Variants in KCNMA1 observed in about 807,000 individuals in gnomAD.
KCNMA1 encodes the protein potassium calcium-activated channel subfamily M alpha 1, also known as Calcium-activated potassium channel subunit alpha-1.
Under a neutral mutation model 140.0 loss-of-function variants are expected in KCNMA1, and 29 were observed. That is an observed-to-expected ratio of 0.21 (90% confidence interval 0.15 to 0.28). KCNMA1 has a LOEUF of 0.28. Ranked by LOEUF, KCNMA1 falls within the 10% of genes least tolerant of loss-of-function variation. The pLI is 1.00. For synonymous variants in KCNMA1, 612 were observed against 611.9 expected, an observed-to-expected ratio of 1.00 and a Z score of 0.00; for missense variants, 880 against 1,602.2, an observed-to-expected ratio of 0.55 and a Z score of 7.70.
intron 1 of KCNMA1, among the ~76,000 whole-genome samples, chr10:77,453,352 A>T (rs1009997427): frequency 2.1e-5 from 2 of 94,792 alleles, no homozygotes; most frequent in Admixed American, 9.7e-5. Flanking sequence ...CTAGAGGTAA[A>T]AAATAAATAA....
At chr10:76,964,940 G>A (rs1721817095) in intron 20 of KCNMA1, among the ~76,000 whole-genome samples, 1 of 152,076 alleles carries the variant, frequency 6.6e-6, no homozygotes, top group South Asian at 2.1e-4. Context: ...TTTTTTCTGG[G>A]TGTTGTCAAT....
At chr10:76,958,778 A>G (rs901704144) in intron 20 of KCNMA1, among the ~76,000 whole-genome samples, 1 of 152,158 alleles carries the variant, frequency 6.6e-6, no homozygotes, top group African/African-American at 2.4e-5. Context: ...ACCCTCCCAG[A>G]CTTTCATCTC....
chr10:77,462,291 G>GCA (rs954728065), intron 1 of KCNMA1, among the ~76,000 whole-genome samples: 1 of 151,440 alleles, frequency 6.6e-6, no homozygotes, highest in African/African-American at 2.4e-5. Context: ...ACACACATGA[G>GCA]CACACACACA....
At chr10:76,960,981 C>T (rs1156611019) in intron 20 of KCNMA1, among the ~76,000 whole-genome samples, 1 of 151,864 alleles carries the variant, frequency 6.6e-6, no homozygotes, top group East Asian at 1.9e-4. Flanking sequence ...AATGTTGTTT[C>T]CATACCTGCT....
In KCNMA1 at chr10:77,197,969, C is replaced by T. The variant is rs534971438; in HGVS notation, c.603-13053G>A. Among the ~76,000 whole-genome samples, 25 of 152,100 alleles carry T rather than the reference C, an allele frequency of 1.6e-4. No homozygotes were observed. In the East Asian group the frequency reaches 2.3e-3, roughly 14 times the overall value. On this transcript the variant is annotated intron_variant, in intron 3 of 27. Transcript: ENST00000286628. Reference sequence around the variant, plus strand: ...AGGCAGCTTTGGGGACGAGGAGGGGCGAGACAGAGGGAAGGTGAGGACAGA... The same window carrying T: ...AGGCAGCTTTGGGGACGAGGAGGGGTGAGACAGAGGGAAGGTGAGGACAGA...
At chr10:77,094,758 T>G (rs942061316) in intron 9 of KCNMA1, among the ~76,000 whole-genome samples, 10 of 152,090 alleles carry the variant, frequency 6.6e-5, no homozygotes, top group African/African-American at 2.4e-4. Flanking sequence ...TGGAGTACAG[T>G]GGCTCAATCA....
Position 76,909,953 on chromosome 10 carries a change from C to G in KCNMA1, c.3147+13G>C. 2.5e-6 allele frequency: 4 copies of G among 1,612,686 alleles called. No homozygotes were observed. The highest frequency in any genetic ancestry group is 3.4e-6 in the Non-Finnish European group (4 of 1,179,706). On this transcript the variant is annotated intron_variant, in intron 25 of 27. Transcript: ENST00000286628. ...CCACCCTTGAGTGAGGAGGAGGGAA[C>G]AGGATAACTCACCGCGCTCATGAGT...
At chr10:77,313,987 C>T (rs1258096655) in intron 2 of KCNMA1, 2 of 151,916 alleles carry the variant, frequency 1.3e-5, no homozygotes, top group African/African-American at 2.4e-5. Flanking sequence ...GAGTCCTGAC[C>T]GTCATTTTAT....
At chr10:77,579,656 A>C (rs1603637504) in intron 1 of KCNMA1, among the ~76,000 whole-genome samples, 1 of 152,264 alleles carries the variant, frequency 6.6e-6, no homozygotes, top group Non-Finnish European at 1.5e-5. Context: ...GGAGGTTTTA[A>C]GAAAAAGAAA....
intron 15 of KCNMA1, among the ~76,000 whole-genome samples, chr10:77,034,779 A>G (rs553098701): frequency 2.0e-5 from 3 of 152,344 alleles, no homozygotes; most frequent in African/African-American, 7.2e-5. Context: ...CATCAGCTGC[A>G]GAGGGACAGA....
chr10:77,543,344 T>C (rs989839326), intron 1 of KCNMA1, among the ~76,000 whole-genome samples: 8 of 152,026 alleles, frequency 5.3e-5, no homozygotes, highest in Admixed American at 4.6e-4. Context: ...TTCAGGTAAG[T>C]CACAAAAGGA....
chr10:77,022,632 T>C (rs1004392922), intron 16 of KCNMA1, among the ~76,000 whole-genome samples: 4 of 152,248 alleles, frequency 2.6e-5, no homozygotes, highest in Non-Finnish European at 4.4e-5. Flanking sequence ...TATTTACCTT[T>C]GAGTTTCCTG....
At chr10:76,954,787 A>G (rs890693507) in intron 20 of KCNMA1, among the ~76,000 whole-genome samples, 3 of 152,164 alleles carry the variant, frequency 2.0e-5, no homozygotes, top group Non-Finnish European at 2.9e-5. Flanking sequence ...TGCCTTGTCT[A>G]TTGGTGGAAA....
chr10:77,210,132 T>C (rs184468727), intron 3 of KCNMA1, among the ~76,000 whole-genome samples: 18 of 152,174 alleles, frequency 1.2e-4, no homozygotes, highest in South Asian at 1.0e-3. Context: ...ATTAGGCCAA[T>C]ATCCCTGATG....
At chr10:77,485,237 C>T (rs555896052) in intron 1 of KCNMA1, among the ~76,000 whole-genome samples, 29 of 152,298 alleles carry the variant, frequency 1.9e-4, no homozygotes, top group Admixed American at 1.2e-3. Flanking sequence ...ATATTACATA[C>T]GCAATAAAGT....
intron 1 of KCNMA1, among the ~76,000 whole-genome samples, chr10:77,536,113 T>C (rs1295536594): frequency 6.6e-6 from 1 of 152,238 alleles, no homozygotes; most frequent in African/African-American, 2.4e-5. Flanking sequence ...AGTTGATCAT[T>C]ACACATTGTG....
chr10:77,283,199 G>A (rs550799691), intron 2 of KCNMA1, among the ~76,000 whole-genome samples: 2 of 152,348 alleles, frequency 1.3e-5, no homozygotes, highest in African/African-American at 4.8e-5. Context: ...AGAATAGTCA[G>A]TAAATGTCCA....
intron 1 of KCNMA1, among the ~76,000 whole-genome samples, chr10:77,490,857 G>C (rs2098523522): frequency 6.6e-6 from 1 of 152,106 alleles, no homozygotes; most frequent in Non-Finnish European, 1.5e-5. Context: ...AGTCCTTATA[G>C]GGCTGCCACG....
chr10:77,297,046 G>C (rs2154323941), intron 2 of KCNMA1, among the ~76,000 whole-genome samples: 1 of 152,168 alleles, frequency 6.6e-6, no homozygotes, highest in African/African-American at 2.4e-5. Flanking sequence ...ACAGGGTGCA[G>C]ACTTGCCTCA....
Sources: allele counts gnomAD v4.1 joint callset (sites outside exome capture counted in the v4.1 genomes callset), GRCh38; gene constraint gnomAD v4.1.1; transcripts MANE v1.5; gene names NCBI Gene and HGNC (gene_info 2026-07-23, HGNC 2026-07-21).